FOXP1: variants seen among roughly 807,000 people sequenced by gnomAD.
FOXP1 encodes forkhead box P1.
Under a neutral mutation model 98.2 loss-of-function variants are expected in FOXP1, and 15 were observed. The observed-to-expected ratio is 0.15, with a 90% CI of 0.10 to 0.24. The LOEUF is 0.24. Ranked by LOEUF, FOXP1 falls within the 10% of genes least tolerant of loss-of-function variation. The probability of loss-of-function intolerance (pLI) is 1.00; values close to 1 mark genes in which losing one functional copy is unlikely to be tolerated. For missense variants in FOXP1, 633 were observed against 848.5 expected, an observed-to-expected ratio of 0.75 and a Z score of 3.15; for synonymous variants, 371 against 314.5, an observed-to-expected ratio of 1.18 and a Z score of -1.90.
intron 5 of FOXP1, among the ~76,000 whole-genome samples, chr3:71,241,137 G>A (rs1333180995): frequency 6.6e-6 from 1 of 151,686 alleles, no homozygotes; most frequent in Non-Finnish European, 1.5e-5. Flanking sequence ...TTGAACCCGG[G>A]AGGCGGAGCT....
intron 6 of FOXP1, among the ~76,000 whole-genome samples, chr3:71,163,825 C>A (rs752050702): frequency 6.6e-6 from 1 of 151,928 alleles, no homozygotes; most frequent in African/African-American, 2.4e-5. Flanking sequence ...CAGTTTAGAG[C>A]GGTAGAGTTT....
At chr3:70,965,555 A>G (rs2034575441) in intron 20 of FOXP1, among the ~76,000 whole-genome samples, 2 of 152,206 alleles carry the variant, frequency 1.3e-5, no homozygotes, top group African/African-American at 4.8e-5. Flanking sequence ...AGTTGAACAA[A>G]CTGCAAACTT....
chr3:71,071,636 G>A (rs757791788), intron 7 of FOXP1, among the ~76,000 whole-genome samples: 3 of 152,054 alleles, frequency 2.0e-5, no homozygotes, highest in Non-Finnish European at 4.4e-5. Flanking sequence ...GTGCAATGGC[G>A]CATCTTGGCT....
intron 12 of FOXP1, among the ~76,000 whole-genome samples, chr3:71,009,879 A>G (rs57206057): frequency 0.14 from 20,964 of 150,504 alleles, 2,549 homozygotes; most frequent in African/African-American, 0.33. Context: ...TTCCCAATTA[A>G]CTAAGACTAT....
At chr3:71,499,235 T>A (rs1560570409) in intron 2 of FOXP1, among the ~76,000 whole-genome samples, 1 of 152,112 alleles carries the variant, frequency 6.6e-6, no homozygotes, top group Admixed American at 6.5e-5. Context: ...ACACAACTCC[T>A]CTCTCTGGGT....
rs143091888 is a variant in FOXP1, at chr3:70,962,055, A to G, written c.1890-2664T>C. Among the ~76,000 whole-genome samples the G allele has an allele frequency of 4.5e-3, 683 of 152,352 alleles. 2 individuals are homozygous for G. Among genetic ancestry groups the G allele is most frequent in the African/African-American group, 0.016 (664 of 41,580 alleles). On this transcript the variant is annotated intron_variant, in intron 20 of 20. Coordinates refer to ENST00000649528, the MANE Select transcript of FOXP1 (RefSeq NM_001349338.3). The stretch of plus-strand genomic sequence containing the variant: ...TTATGCTGATGATGATTCCTTTAAA[A>G]AACACAAACCCTTAGTTAAGGCCAG...
intron 7 of FOXP1, among the ~76,000 whole-genome samples, chr3:71,103,770 C>T (rs1015057349): frequency 1.3e-5 from 2 of 152,152 alleles, no homozygotes; most frequent in Admixed American, 6.5e-5. Flanking sequence ...TGACAGGGAA[C>T]GTGACCTCTG....
At chr3:71,076,043 G>C (rs759576947) in intron 7 of FOXP1, among the ~76,000 whole-genome samples, 3 of 152,152 alleles carry the variant, frequency 2.0e-5, no homozygotes, top group Non-Finnish European at 2.9e-5. Context: ...CTAAGGTGGG[G>C]TCTCTGCCCC....
chr3:70,999,555 A>G (rs528041666), intron 13 of FOXP1, among the ~76,000 whole-genome samples: 1 of 152,340 alleles, frequency 6.6e-6, no homozygotes, highest in East Asian at 1.9e-4. Context: ...TCTTGTATAA[A>G]TATCTTACTG....
chr3:71,335,987 G>A (rs2076644430), intron 4 of FOXP1, among the ~76,000 whole-genome samples: 1 of 122,824 alleles, frequency 8.1e-6, no homozygotes, highest in Non-Finnish European at 1.6e-5. Context: ...TCCAGCCTGG[G>A]CAATAACAGC....
chr3:71,301,024 C>T (rs1303114065), intron 4 of FOXP1, among the ~76,000 whole-genome samples: 2 of 152,092 alleles, frequency 1.3e-5, no homozygotes, highest in African/African-American at 4.8e-5. Context: ...ATGACATTTC[C>T]ACAAGCAAGT....
chr3:71,167,304 C>A (rs887034426), intron 6 of FOXP1, among the ~76,000 whole-genome samples: 2 of 152,196 alleles, frequency 1.3e-5, no homozygotes, highest in Admixed American at 6.5e-5. Context: ...TCACTCTGGA[C>A]ATATACAGGT....
intron 2 of FOXP1, among the ~76,000 whole-genome samples, chr3:71,576,455 C>T (rs1445388014): frequency 1.3e-5 from 2 of 152,204 alleles, no homozygotes; most frequent in African/African-American, 4.8e-5. Context: ...GATATCAGTT[C>T]CATTTGAGTA....
Position 71,519,559 on chromosome 3 carries a change from C to G in FOXP1, c.-297-26004G>C, listed in dbSNP as rs117569219. Among the ~76,000 whole-genome samples, 3 of 152,310 alleles carry G rather than the reference C, an allele frequency of 2.0e-5. No homozygotes were observed. The East Asian group carries it at 5.8e-4, about 29-fold the overall frequency. On this transcript the variant is annotated intron_variant, in intron 2 of 20. Transcript: ENST00000649528. ...GCCCCATCTCTACTCACCCCACTTT[C>G]CTGGGCATTGTCTTCCCATCACTTC...
At chr3:71,045,484 A>T (rs2048899108) in intron 10 of FOXP1, among the ~76,000 whole-genome samples, 1 of 152,196 alleles carries the variant, frequency 6.6e-6, no homozygotes. Flanking sequence ...CAATAAACCC[A>T]AAGGTGTAAT....
At chr3:71,535,418 G>T (rs1404289209) in intron 2 of FOXP1, among the ~76,000 whole-genome samples, 1 of 152,102 alleles carries the variant, frequency 6.6e-6, no homozygotes, top group Non-Finnish European at 1.5e-5. Flanking sequence ...GAGAAACAGG[G>T]ATGAGGCCAG....
intron 3 of FOXP1, among the ~76,000 whole-genome samples, chr3:71,473,789 G>A (rs1334667490): frequency 2.6e-5 from 4 of 152,118 alleles, no homozygotes; most frequent in Admixed American, 1.3e-4. Flanking sequence ...TTGTCACAAC[G>A]ACCTGGGAGG....
intron 3 of FOXP1, among the ~76,000 whole-genome samples, chr3:71,430,977 T>C (rs961106996): frequency 2.5e-4 from 38 of 152,116 alleles, no homozygotes; most frequent in African/African-American, 8.7e-4. Context: ...TGAAACACTT[T>C]CCTAGACATT....
At chr3:71,141,266 CA>C (rs71621921) in intron 6 of FOXP1, among the ~76,000 whole-genome samples, 984 of 71,852 alleles carry the variant, frequency 0.014, 9 homozygotes, top group African/African-American at 0.041. Flanking sequence ...GACTCTGTCT[CA>C]AAAAAAAAAA....
Sources: allele counts gnomAD v4.1 joint callset (sites outside exome capture counted in the v4.1 genomes callset), GRCh38; gene constraint gnomAD v4.1.1; transcripts MANE v1.5; gene names NCBI Gene and HGNC (gene_info 2026-07-23, HGNC 2026-07-21).